The following BDP1 variants were observed in gnomAD, a reference collection of about 807,000 sequenced individuals.
The protein encoded by BDP1 is transcription factor TFIIIB component B'' homolog.
A neutral mutation model predicts 266.6 loss-of-function variants in BDP1; 169 were observed. The observed-to-expected ratio is 0.63, with a 90% CI of 0.56 to 0.72. The LOEUF (loss-of-function observed/expected upper bound fraction) is 0.72. Ranked by LOEUF, BDP1 falls within the 30% of genes least tolerant of loss-of-function variation. The probability of loss-of-function intolerance (pLI) is 0.00; values close to 1 mark genes in which losing one functional copy is unlikely to be tolerated. For synonymous variants in BDP1, 1,090 were observed against 1,022.4 expected (o/e 1.07, Z -1.26); for missense variants, 3,015 against 3,053.8 (o/e 0.99, Z 0.30).
intron 27 of BDP1, 36 bp from the exon 28 acceptor site, chr5:71,539,521 A>T: frequency 6.6e-7 from 1 of 1,518,274 alleles, no homozygotes; most frequent in Non-Finnish European, 9.1e-7. Context: ...TTCCGGATTC[A>T]TTCTTTTTTT....
At chr5:71,479,692 G>A (rs183814064) in intron 7 of BDP1, among the ~76,000 whole-genome samples, 1 of 150,570 alleles carries the variant, frequency 6.6e-6, no homozygotes, top group South Asian at 2.1e-4. Flanking sequence ...GACAACAGGC[G>A]CCCACCACCA....
In BDP1 at chr5:71,510,898, C is replaced by T. The variant is rs751348412; in HGVS notation, c.3806C>T (p.Ser1269Leu). ...KRDIPIMEKV[S>L]GKMAVVEEME... ...GACATTCCCATCATGGAGAAAGTAT[C>T]AGGAAAGATGGCTGTTGTTGAAGAA... The change falls in exon 17 of 39, where the codon TCA becomes TTA. Residue 1269 changes from serine (S) to leucine (L), a missense_variant. Physicochemically the swap from Ser to Leu is moderately radical, Grantham distance 145. Around this residue, in one of 3 missense-constraint regions of BDP1, gnomAD observed 2,383 missense variants for 2,404.9 expected, o/e 0.99. Transcript: ENST00000358731. The T allele has an allele frequency of 9.3e-6, 15 of 1,613,554 alleles. No individual in the cohort carries two copies. The South Asian group carries it at 1.3e-4, about 14-fold the overall frequency.
At chr5:71,532,006 G>A (rs1301737689) in intron 25 of BDP1, among the ~76,000 whole-genome samples, 4 of 152,166 alleles carry the variant, frequency 2.6e-5, no homozygotes, top group East Asian at 1.9e-4. Flanking sequence ...AAATTAGGGG[G>A]AAAGTGAGGA....
In BDP1 at chr5:71,524,155, T is replaced by C. The variant is rs755347167; in HGVS notation, c.5604T>C (p.Leu1868=). The stretch of plus-strand genomic sequence containing the variant: ...CTTCCAAGGCCATGCTGGTGACTCT[T>C]CGGGCTTCCCAGGAAGAAGATGATG... ...PRASKAMLVT[L]RASQEEDDDA... is the part of the protein sequence containing the mutation. Residue 1868 remains leucine, a synonymous_variant, in exon 25 of 39, where the codon CTT becomes CTC. Transcript: ENST00000358731. 3 of 1,614,200 alleles carry C rather than the reference T, an allele frequency of 1.9e-6. No homozygotes were observed. Among genetic ancestry groups the C allele is most frequent in the Admixed American group, 3.3e-5 (2 of 60,022 alleles).
At chr5:71,541,922 A>G (rs1458906023) in intron 29 of BDP1, among the ~76,000 whole-genome samples, 183 bp from the exon 30 acceptor site, 6 of 152,228 alleles carry the variant, frequency 3.9e-5, no homozygotes, top group Admixed American at 3.3e-4. Flanking sequence ...AATACAGACT[A>G]AATTCTCTTC....
At chr5:71,547,972 T>A (rs1742461317) in intron 32 of BDP1, among the ~76,000 whole-genome samples, 2 of 151,766 alleles carry the variant, frequency 1.3e-5, no homozygotes, top group Non-Finnish European at 2.9e-5. Flanking sequence ...AATAAATAAA[T>A]AAAATAATAA....
At chr5:71,513,697 A>T (rs1346017849) in intron 19 of BDP1, among the ~76,000 whole-genome samples, 1 of 152,054 alleles carries the variant, frequency 6.6e-6, no homozygotes, top group South Asian at 2.1e-4. Flanking sequence ...CATAGAAAAA[A>T]TGACAATAAT....
At chr5:71,516,739 G>C (rs893182396) in intron 21 of BDP1, among the ~76,000 whole-genome samples, 4 of 152,098 alleles carry the variant, frequency 2.6e-5, no homozygotes, top group African/African-American at 9.7e-5. Flanking sequence ...TTGAGTAACA[G>C]TTTAATCTCT....
At position 71,562,282 on chromosome 5, in the gene BDP1, G is replaced by A. The variant is rs921140385; in HGVS notation, c.7505G>A (p.Arg2502Lys). 3.8e-6 allele frequency: 6 copies of A among 1,584,342 alleles called. No homozygotes were observed. Among genetic ancestry groups the A allele is most frequent in the African/African-American group, 1.4e-5 (1 of 73,002 alleles). The stretch of plus-strand genomic sequence containing the variant: ...TACATTTGTATTTCTAGACCTGGCA[G>A]AAGACCCCTGGGATTTTTATCTTTA... ...SSKASLSRPG[R>K]RPLGFLSLIC... Residue 2502 changes from arginine (R) to lysine (K), a missense_variant, in exon 38 of 39, where the codon AGA (arginine) becomes AAA (lysine). Arg to Lys is a conservative substitution (Grantham distance 26). Coordinates refer to ENST00000358731, the MANE Select transcript of BDP1 (RefSeq NM_018429.3).
chr5:71,565,008 A>G lies in BDP1; in HGVS notation c.*123A>G. 2 of 857,470 alleles carry G rather than the reference A, an allele frequency of 2.3e-6. No homozygotes were observed. The highest frequency in any genetic ancestry group is 3.5e-6 in the Non-Finnish European group (2 of 569,830). The allele number at this position is 857,470 out of a possible 1,614,324, so 53.1% of individuals were successfully genotyped here. On this transcript the variant is annotated 3_prime_UTR_variant, in exon 39 of 39. Coordinates refer to ENST00000358731, the MANE Select transcript of BDP1 (RefSeq NM_018429.3). ...ATTTTTCTTTAGGTTGATTTTGAAT[A>G]CTTAATGAGCTTGATTTGAAGCTTT...
At position 71,455,913 on chromosome 5, in the gene BDP1, T is replaced by A. The variant is rs1259465414; in HGVS notation, c.36T>A (p.Asn12Lys). Residue 12 changes from asparagine to lysine, a missense_variant, in exon 1 of 39, where the codon AAT (asparagine) becomes AAA (lysine). Asn to Lys is a moderately conservative substitution (Grantham distance 94). Around this residue, in one of 3 missense-constraint regions of BDP1, gnomAD observed 2,383 missense variants for 2,404.9 expected, o/e 0.99. Transcript: ENST00000358731. ...FRRARLSVKP[N>K]VRPGVGARGS... ...GGGCACGCCTTAGCGTGAAGCCGAA[T>A]GTCAGGCCTGGTGTAGGCGCCAGGG... 1 of 1,607,634 alleles carries A rather than the reference T, an allele frequency of 6.2e-7. No individual in the cohort carries two copies. The highest frequency in any genetic ancestry group is 1.7e-5 in the Admixed American group (1 of 58,762).
chr5:71,500,650 C>A (rs1452391292), intron 13 of BDP1, among the ~76,000 whole-genome samples: 1 of 152,086 alleles, frequency 6.6e-6, no homozygotes, highest in Non-Finnish European at 1.5e-5. Context: ...CTTGTAATTT[C>A]ATTATTCCCT....
chr5:71,573,231 A>G, the BDP1 span, among the ~76,000 whole-genome samples: 1 of 117,962 alleles, frequency 8.5e-6, no homozygotes, highest in Non-Finnish European at 1.9e-5. Context: ...CTGTTTCAAA[A>G]AAAAAAAAAA....
intron 6 of BDP1, among the ~76,000 whole-genome samples, chr5:71,469,397 C>T (rs1032255394): frequency 5.9e-5 from 9 of 152,052 alleles, no homozygotes; most frequent in Non-Finnish European, 8.8e-5. Flanking sequence ...CCTCGGCCTC[C>T]CAAAGTGCTG....
At chr5:71,497,898 C>T (rs1471236169) in intron 13 of BDP1, among the ~76,000 whole-genome samples, 1 of 152,138 alleles carries the variant, frequency 6.6e-6, no homozygotes, top group Non-Finnish European at 1.5e-5. Context: ...AAGTGATTCT[C>T]CCACATCACC....
intron 15 of BDP1, among the ~76,000 whole-genome samples, chr5:71,504,321 A>G (rs894503683): frequency 2.6e-5 from 4 of 151,884 alleles, no homozygotes; most frequent in Non-Finnish European, 4.4e-5. Context: ...TAATGCATTT[A>G]TAGTAATCAA....
intron 13 of BDP1, among the ~76,000 whole-genome samples, chr5:71,499,997 T>C (rs547337042): frequency 3.9e-5 from 6 of 152,354 alleles, no homozygotes; most frequent in African/African-American, 1.4e-4. Context: ...TGAATTGTTA[T>C]GCATTGTGAA....
At chr5:71,551,705 A>T (rs1742774421) in intron 34 of BDP1, among the ~76,000 whole-genome samples, 1 of 150,784 alleles carries the variant, frequency 6.6e-6, no homozygotes, top group South Asian at 2.1e-4. Context: ...GGCGCCCCTC[A>T]CTTCCCAGCA....
At chr5:71,461,043 A>G (rs1167498411) in intron 2 of BDP1, among the ~76,000 whole-genome samples, 1 of 152,180 alleles carries the variant, frequency 6.6e-6, no homozygotes, top group East Asian at 1.9e-4. Context: ...GCGCTAGTAT[A>G]ATTGCAGTTC....
Sources: allele counts gnomAD v4.1 joint callset (sites outside exome capture counted in the v4.1 genomes callset), GRCh38; gene constraint gnomAD v4.1.1; regional missense constraint gnomAD v4.1.1; transcripts MANE v1.5; gene names NCBI Gene and HGNC (gene_info 2026-07-23, HGNC 2026-07-21).